PGM2: variants seen among roughly 807,000 people sequenced by gnomAD.
PGM2 encodes the protein phosphoglucomutase 2.
A neutral mutation model predicts 74.6 loss-of-function variants in PGM2; 57 were observed. The ratio of observed to expected loss-of-function variants is 0.76; its 90% CI spans 0.62 to 0.95. The LOEUF is 0.95. PGM2 is among the 40% of genes least tolerant of loss of function. PGM2 has a pLI of 0.00. For synonymous variants in PGM2, 273 were observed against 260.7 expected (o/e 1.05, Z -0.46); for missense variants, 706 against 741.9 (o/e 0.95, Z 0.56).
At chr4:37,829,868 A>ATT (rs1297021460) in intron 1 of PGM2, 96 bp from the exon 2 acceptor site, 5 of 430,104 alleles carry the variant, frequency 1.2e-5, no homozygotes, top group African/African-American at 6.1e-5. Flanking sequence ...ATACATATAT[A>ATT]TATATTTTCT....
chr4:37,847,112 G>A lies in PGM2; in HGVS notation c.1188+1G>A. On this transcript the variant is annotated splice_donor_variant, in intron 9 of 13. Coordinates refer to ENST00000381967, the MANE Select transcript of PGM2 (RefSeq NM_018290.4). LOFTEE classifies it high-confidence loss of function. Reference sequence around the variant, plus strand: ...CTTAAAGGAAGGTTTTCATTTTGAGGTAGGGTGTTTCTGGGACTCACTCAT... The same window carrying A: ...CTTAAAGGAAGGTTTTCATTTTGAGATAGGGTGTTTCTGGGACTCACTCAT... 1 of 1,612,150 alleles carries A rather than the reference G, an allele frequency of 6.2e-7. No homozygotes were observed. The highest frequency in any genetic ancestry group is 8.5e-7 in the Non-Finnish European group (1 of 1,178,430).
rs922280833 is a variant in PGM2, at chr4:37,839,659, T to C, written c.442-189T>C. On this transcript the variant is annotated intron_variant, in intron 4 of 13. Transcript: ENST00000381967. ...CTTATTAGGAAATACATCCTGGAAT[T>C]ATGAGCAGCCAGTTAATTCTAAGGG... 3 of 689,752 alleles carry C rather than the reference T, an allele frequency of 4.3e-6. No individual in the cohort carries two copies. In the African/African-American group the frequency reaches 5.3e-5, roughly 12 times the overall value. 42.7% of individuals were successfully genotyped at this position (689,752 alleles called of 1,614,324 possible).
At chr4:37,834,800 T>G in intron 3 of PGM2, 76 bp downstream of exon 3, 1 of 714,776 alleles carries the variant, frequency 1.4e-6, no homozygotes, top group Non-Finnish European at 2.5e-6. Flanking sequence ...TCTCAATAAC[T>G]TGACTTTAAT....
Position 37,827,139 on chromosome 4 carries a change from G to T in PGM2, c.81+326G>T, listed in dbSNP as rs115307829. ...GACGCTGTCTAGTTGAGGGGCGCAC[G>T]CCTTACTGTCACTCAGACCGCTGGC... On this transcript the variant is annotated intron_variant, in intron 1 of 13. Transcript: ENST00000381967. 6.1e-3 allele frequency among the ~76,000 whole-genome samples: 932 copies of T among 152,342 alleles called. 17 individuals carry two copies. Among genetic ancestry groups the T allele is most frequent in the African/African-American group, 0.021 (879 of 41,582 alleles).
intron 6 of PGM2, among the ~76,000 whole-genome samples, chr4:37,841,659 C>T (rs1044552444): frequency 3.9e-5 from 6 of 152,218 alleles, no homozygotes; most frequent in Middle Eastern, 3.2e-3. Context: ...CTAATTCCTA[C>T]GTGTTGGACC....
chr4:37,850,276 G>GA lies in PGM2; in HGVS notation c.1511dup (p.Asn504LysfsTer2). 6.3e-7 allele frequency: 1 copy of GA among 1,588,700 alleles called. No individual in the cohort carries two copies. On this transcript the variant is annotated frameshift_variant, in exon 12 of 14. Coordinates refer to ENST00000381967, the MANE Select transcript of PGM2 (RefSeq NM_018290.4). LOFTEE classifies it high-confidence loss of function. ...TTTGAAAACCTCAGAAACTACGATG[G>GA]AAAAAATAATTATCCAAAAGCTTGT... is the stretch of plus-strand genomic sequence containing the variant.
chr4:37,844,487 GA>G lies in PGM2; in HGVS notation c.846del (p.Asp283IlefsTer9). ...LVPPEAVPEQKDPDPEFPTVK... is the reference protein window; with the variant it reads ...LVPPEAVPEQXDPDPEFPTVK... ...TTCCTCCTGAGGCTGTTCCTGAACA[GA>G]AAGATCCGGATCCTGAGTTTCCAAC... On this transcript the variant is annotated frameshift_variant, in exon 7 of 14. Coordinates refer to ENST00000381967, the MANE Select transcript of PGM2 (RefSeq NM_018290.4). LOFTEE classifies it high-confidence loss of function. 6.2e-7 allele frequency: 1 copy of G among 1,613,936 alleles called. No homozygotes were observed. The highest frequency in any genetic ancestry group is 8.5e-7 in the Non-Finnish European group (1 of 1,179,804).
At chr4:37,851,958 TTTG>T (rs1726050791) in intron 12 of PGM2, among the ~76,000 whole-genome samples, 1 of 96,458 alleles carries the variant, frequency 1.0e-5, no homozygotes, top group Admixed American at 1.0e-4. Flanking sequence ...GTACCTTTTG[TTTG>T]TTTGTTTTCT....
rs62300675 is a variant in PGM2, at chr4:37,842,958, C to T, written c.720-1406C>T. Among the ~76,000 whole-genome samples, 1,019 of 152,146 alleles carry T rather than the reference C, an allele frequency of 6.7e-3. 5 individuals carry two copies. The highest frequency in any genetic ancestry group is 0.01 in the Middle Eastern group (3 of 294). The stretch of plus-strand genomic sequence containing the variant: ...GATTAGAGGAGTGAGCCACTGTGCC[C>T]GGTCAACATGTAATTTCATTTAATC... On this transcript the variant is annotated intron_variant, in intron 6 of 13. Coordinates refer to ENST00000381967, the MANE Select transcript of PGM2 (RefSeq NM_018290.4).
chr4:37,862,231 G>A lies in PGM2; in HGVS notation c.*619G>A, dbSNP rs778955821. The A allele has an allele frequency of 4.6e-5, 7 of 152,048 alleles. No homozygotes were observed. The highest frequency in any genetic ancestry group is 1.9e-4 in the East Asian group (1 of 5,196). 9.4% of individuals were successfully genotyped at this position (152,048 alleles called of 1,614,324 possible). On this transcript the variant is annotated 3_prime_UTR_variant, in exon 14 of 14. Coordinates refer to ENST00000381967, the MANE Select transcript of PGM2 (RefSeq NM_018290.4). ...CATAGGATATTAGTACATCGTACAC[G>A]TGCTAGGAAAAAACAGCTTCAGTGT... is the stretch of plus-strand genomic sequence containing the variant.
In PGM2 at chr4:37,857,938, A is replaced by G. The variant is rs187912207; in HGVS notation, c.1736+2197A>G. Among the ~76,000 whole-genome samples, 25 of 152,262 alleles carry G rather than the reference A, an allele frequency of 1.6e-4. No homozygotes were observed. The East Asian group carries it at 3.7e-3, about 22-fold the overall frequency. On this transcript the variant is annotated intron_variant, in intron 13 of 13. Transcript: ENST00000381967. ...GCTTATTTAGTGTTTTCTTATTTCT[A>G]TGTTTCATTCTTTTAAAAAGAAATG...
intron 12 of PGM2, among the ~76,000 whole-genome samples, chr4:37,851,961 G>GTTTTCTT (rs1430228977): frequency 7.4e-6 from 1 of 135,338 alleles, no homozygotes; most frequent in Non-Finnish European, 1.6e-5. Context: ...CCTTTTGTTT[G>GTTTTCTT]TTTGTTTTCT....
chr4:37,847,119 G>A lies in PGM2; in HGVS notation c.1188+8G>A, dbSNP rs748588862. 10 of 1,610,784 alleles carry A rather than the reference G, an allele frequency of 6.2e-6. No individual in the cohort carries two copies. Among genetic ancestry groups the A allele is most frequent in the East Asian group, 2.2e-5 (1 of 44,858 alleles). On this transcript the variant is annotated splice_region_variant and intron_variant, in intron 9 of 13. Transcript: ENST00000381967. ...GAAGGTTTTCATTTTGAGGTAGGGTGTTTCTGGGACTCACTCATTTTCCTT... is the reference window on the plus strand; with the variant it reads ...GAAGGTTTTCATTTTGAGGTAGGGTATTTCTGGGACTCACTCATTTTCCTT...
Position 37,861,574 on chromosome 4 carries a change from C to T in PGM2, c.1801C>T (p.Gln601Ter), listed in dbSNP as rs768996526. 11 of 1,612,954 alleles carry T rather than the reference C, an allele frequency of 6.8e-6. No individual in the cohort carries two copies. Among genetic ancestry groups the T allele is most frequent in the Admixed American group, 5.0e-5 (3 of 59,940 alleles). The change falls in exon 14 of 14, where the codon CAG becomes TAG. Residue 601 changes from glutamine (Q) to a stop codon, truncating the protein, a stop_gained. Coordinates refer to ENST00000381967, the MANE Select transcript of PGM2 (RefSeq NM_018290.4). LOFTEE classifies it high-confidence loss of function. ...LVSAIEEHFF[Q>*]PQKYNLQPKA... ...CAGTGCTATTGAAGAACATTTTTTCCAGCCACAGAAGTACAATCTGCAGCC... is the reference window on the plus strand; with the variant it reads ...CAGTGCTATTGAAGAACATTTTTTCTAGCCACAGAAGTACAATCTGCAGCC...
intron 12 of PGM2, among the ~76,000 whole-genome samples, chr4:37,851,970 C>CTTT (rs1553886914): frequency 2.3e-4 from 31 of 135,002 alleles, no homozygotes; most frequent in South Asian, 2.3e-4. Flanking sequence ...TGTTTGTTTT[C>CTTT]TTTTTTTTTG....
intron 13 of PGM2, among the ~76,000 whole-genome samples, chr4:37,857,696 A>G (rs1711577223): frequency 6.6e-6 from 1 of 152,182 alleles, no homozygotes; most frequent in Non-Finnish European, 1.5e-5. Flanking sequence ...TATGTAATAT[A>G]TTTTCACTAT....
At chr4:37,853,251 C>T (rs1726101302) in intron 12 of PGM2, among the ~76,000 whole-genome samples, 1 of 152,084 alleles carries the variant, frequency 6.6e-6, no homozygotes, top group South Asian at 2.1e-4. Flanking sequence ...AATCCTCCTG[C>T]TTCAGCCTCC....
chr4:37,852,462 C>T (rs1359239215), intron 12 of PGM2, among the ~76,000 whole-genome samples: 1 of 101,100 alleles, frequency 9.9e-6, no homozygotes, highest in African/African-American at 3.3e-5. Flanking sequence ...TGCTCCTAGA[C>T]CTCATGGCTT....
chr4:37,837,642 CTGTCACATGA>C lies in PGM2; in HGVS notation c.441+31_441+40del, dbSNP rs1434845705. On this transcript the variant is annotated intron_variant, in intron 4 of 13. Coordinates refer to ENST00000381967, the MANE Select transcript of PGM2 (RefSeq NM_018290.4). The stretch of plus-strand genomic sequence containing the variant: ...AGTAGCCATTTCCTTTCATAATTTC[CTGTCACATGA>C]TCAGGGATGGGACTTGGCTGAATTT... The C allele has an allele frequency of 2.1e-6, 3 of 1,398,970 alleles. No individual in the cohort carries two copies. In the Admixed American group the frequency reaches 5.0e-5, roughly 23 times the overall value. 86.7% of individuals were successfully genotyped at this position (1,398,970 alleles called of 1,614,324 possible).
Sources: gnomAD v4.1 joint callset for allele counts (sites outside exome capture counted in the v4.1 genomes callset) on GRCh38, gnomAD v4.1.1 for gene constraint, MANE v1.5 for transcripts, NCBI Gene and HGNC (gene_info 2026-07-23, HGNC 2026-07-21) for gene names.